The following RBMS3 variants were observed in gnomAD, a reference collection of about 807,000 sequenced individuals.
RBMS3 encodes the protein RNA binding motif single stranded interacting protein 3.
RBMS3 carries 27 observed loss-of-function variants against 66.8 expected under a neutral mutation model. That is an observed-to-expected ratio of 0.40 (90% CI 0.30 to 0.56). RBMS3 has a LOEUF of 0.56. Ranked by LOEUF, RBMS3 falls within the 20% of genes least tolerant of loss-of-function variation. RBMS3 has a pLI of 0.40. For missense variants in RBMS3, 513 were observed against 549.5 expected (o/e 0.93, Z 0.66); for synonymous variants, 188 against 183.0 (o/e 1.03, Z -0.22).
intron 6 of RBMS3, among the ~76,000 whole-genome samples, chr3:29,844,596 A>G (rs1465998655): frequency 3.3e-4 from 50 of 152,220 alleles, no homozygotes; most frequent in Non-Finnish European, 4.4e-5. Context: ...TATTTTCTCA[A>G]AAGAAATGAA....
intron 1 of RBMS3, among the ~76,000 whole-genome samples, chr3:29,396,937 A>T (rs1253044406): frequency 6.6e-6 from 1 of 152,190 alleles, no homozygotes; most frequent in Admixed American, 6.6e-5. Context: ...GTAGCAATAC[A>T]GAGGTGTTTG....
chr3:29,668,390 G>A (rs1214022796), intron 4 of RBMS3, among the ~76,000 whole-genome samples: 1 of 152,160 alleles, frequency 6.6e-6, no homozygotes, highest in Non-Finnish European at 1.5e-5. Context: ...ACTACTACTG[G>A]CCTAGGCTGG....
At chr3:29,328,858 C>A (rs962314300) in intron 1 of RBMS3, among the ~76,000 whole-genome samples, 3 of 152,128 alleles carry the variant, frequency 2.0e-5, no homozygotes, top group Non-Finnish European at 4.4e-5. Context: ...CAGTCTTCAA[C>A]TCCCTATTGG....
At position 29,884,422 on chromosome 3, in the gene RBMS3, T is replaced by TTTTCTCTCTCTCTCTCTC. The variant is rs777331613; in HGVS notation, c.791+215_791+216insTTCTCTCTCTCTCTCTCT. Among the ~76,000 whole-genome samples the TTTTCTCTCTCTCTCTCTC allele has an allele frequency of 4.3e-4, 18 of 41,880 alleles. 3 individuals carry two copies. The highest frequency in any genetic ancestry group is 1.9e-3 in the African/African-American group (18 of 9,684). 27.5% of individuals were successfully genotyped at this position (41,880 alleles called of 152,430 possible). ...ATGCCTCTGCCCACATTAAACCCTG[T>TTTTCTCTCTCTCTCTCTC]TCTCTCTCTCTCTCTCTCTCTCTCT... On this transcript the variant is annotated intron_variant, in intron 8 of 14. Coordinates refer to ENST00000383767, the MANE Select transcript of RBMS3 (RefSeq NM_001003793.3).
chr3:29,378,338 G>C lies in RBMS3; in HGVS notation c.76-56405G>C, dbSNP rs1330398307. Reference sequence around the variant, plus strand: ...ATACAAAAAATTAGCCGGGGGTGGTGGTGGGCACCTGTAGTCCCAGCTACC... The same window carrying C: ...ATACAAAAAATTAGCCGGGGGTGGTCGTGGGCACCTGTAGTCCCAGCTACC... On this transcript the variant is annotated intron_variant, in intron 1 of 14. Transcript: ENST00000383767. Among the ~76,000 whole-genome samples, 5 of 152,190 alleles carry C rather than the reference G, an allele frequency of 3.3e-5. No individual in the cohort carries two copies. In the East Asian group the frequency reaches 9.7e-4, roughly 30 times the overall value.
chr3:29,747,862 C>T (rs1371835), intron 5 of RBMS3, among the ~76,000 whole-genome samples: 14 of 152,020 alleles, frequency 9.2e-5, no homozygotes, highest in Non-Finnish European at 1.0e-4. Context: ...CAGTTGGAAC[C>T]AGCAGTCATG....
intron 4 of RBMS3, among the ~76,000 whole-genome samples, chr3:29,657,549 G>T (rs2050369824): frequency 6.6e-6 from 1 of 152,082 alleles, no homozygotes; most frequent in South Asian, 2.1e-4. Flanking sequence ...GGAATGTCCT[G>T]GTGGAACTTA....
intron 5 of RBMS3, among the ~76,000 whole-genome samples, chr3:29,758,150 T>C (rs1442241460): frequency 2.6e-5 from 4 of 152,196 alleles, no homozygotes; most frequent in African/African-American, 9.6e-5. Flanking sequence ...TGAAAACAAC[T>C]TCTTGAAGTA....
chr3:29,922,788 A>G (rs2060827938), intron 10 of RBMS3, among the ~76,000 whole-genome samples: 1 of 152,220 alleles, frequency 6.6e-6, no homozygotes, highest in Non-Finnish European at 1.5e-5. Context: ...ATATCCTAAT[A>G]TCAGGGTATT....
intron 2 of RBMS3, among the ~76,000 whole-genome samples, chr3:29,464,892 G>A (rs2042486437): frequency 6.6e-6 from 1 of 152,116 alleles, no homozygotes; most frequent in African/African-American, 2.4e-5. Flanking sequence ...ATCAATAACA[G>A]AATATTGGAC....
chr3:29,320,808 TA>T (rs1226637345), intron 1 of RBMS3, among the ~76,000 whole-genome samples: 2 of 151,808 alleles, frequency 1.3e-5, no homozygotes, highest in Non-Finnish European at 2.9e-5. Flanking sequence ...GAAATGCAGA[TA>T]AAAATACTCC....
chr3:29,771,659 G>A (rs1559654054), intron 6 of RBMS3, among the ~76,000 whole-genome samples: 1 of 151,956 alleles, frequency 6.6e-6, no homozygotes, highest in Non-Finnish European at 1.5e-5. Context: ...AGAACTACCT[G>A]AGGCTGGGTA....
intron 1 of RBMS3, among the ~76,000 whole-genome samples, chr3:29,309,216 G>GA (rs35333583): frequency 1.3e-5 from 2 of 151,214 alleles, no homozygotes; most frequent in African/African-American, 2.4e-5. Context: ...ATTTCCACCT[G>GA]AAAAAAAGAG....
At chr3:29,513,034 A>G (rs1378301572) in intron 3 of RBMS3, among the ~76,000 whole-genome samples, 2 of 152,142 alleles carry the variant, frequency 1.3e-5, no homozygotes, top group Non-Finnish European at 2.9e-5. Context: ...TATTATTTTC[A>G]GCAAGACCCC....
intron 1 of RBMS3, among the ~76,000 whole-genome samples, chr3:29,291,082 G>C (rs1176132682): frequency 1.3e-5 from 2 of 151,896 alleles, no homozygotes; most frequent in African/African-American, 2.4e-5. Context: ...CAGGTACAAA[G>C]AGATTATTAG....
At chr3:29,725,296 A>G (rs2053814638) in intron 4 of RBMS3, among the ~76,000 whole-genome samples, 1 of 152,214 alleles carries the variant, frequency 6.6e-6, no homozygotes, top group Non-Finnish European at 1.5e-5. Flanking sequence ...ATTTCTTTCT[A>G]ACTTACGAGT....
intron 3 of RBMS3, among the ~76,000 whole-genome samples, chr3:29,542,918 A>G (rs540538847): frequency 6.6e-6 from 1 of 152,348 alleles, no homozygotes; most frequent in South Asian, 2.1e-4. Flanking sequence ...GTAAAATTTA[A>G]TAGTTCATAA....
At chr3:29,534,952 A>G (rs568590889) in intron 3 of RBMS3, among the ~76,000 whole-genome samples, 1 of 152,282 alleles carries the variant, frequency 6.6e-6, no homozygotes, top group Non-Finnish European at 1.5e-5. Flanking sequence ...AGAAAAGAAA[A>G]AAAAAACACA....
At chr3:29,952,816 T>C (rs1016557166) in intron 12 of RBMS3, among the ~76,000 whole-genome samples, 11 of 151,894 alleles carry the variant, frequency 7.2e-5, no homozygotes, top group Admixed American at 2.6e-4. Flanking sequence ...GCTCTGAGTC[T>C]AGCAGTTTGC....
Sources: gnomAD v4.1 joint callset for allele counts (sites outside exome capture counted in the v4.1 genomes callset) on GRCh38, gnomAD v4.1.1 for gene constraint, MANE v1.5 for transcripts, NCBI Gene and HGNC (gene_info 2026-07-23, HGNC 2026-07-21) for gene names.